KIF21A: variants seen among roughly 807,000 people sequenced by gnomAD.
The protein encoded by KIF21A is kinesin-like protein KIF21A.
KIF21A carries 114 observed loss-of-function variants against 202.9 expected under a neutral mutation model. That is an observed-to-expected ratio of 0.56 (90% CI 0.48 to 0.66). KIF21A has a LOEUF of 0.66. KIF21A is among the 30% of genes least tolerant of loss of function. KIF21A has a pLI of 0.00. For missense variants in KIF21A, 1,677 were observed against 1,994.9 expected, an observed-to-expected ratio of 0.84 and a Z score of 3.04; for synonymous variants, 667 against 670.8, an observed-to-expected ratio of 0.99 and a Z score of 0.09.
intron 1 of KIF21A, among the ~76,000 whole-genome samples, chr12:39,397,807 G>C (rs1413325591): frequency 6.6e-6 from 1 of 152,186 alleles, no homozygotes; most frequent in African/African-American, 2.4e-5. Context: ...CATGGCCATA[G>C]CAACTCAAGT....
intron 1 of KIF21A, among the ~76,000 whole-genome samples, chr12:39,380,823 GGAT>G (rs1950564097): frequency 1.3e-5 from 2 of 152,066 alleles, no homozygotes; most frequent in African/African-American, 4.8e-5. Flanking sequence ...AGTAATAACT[GGAT>G]GATATTTCAA....
intron 1 of KIF21A, among the ~76,000 whole-genome samples, chr12:39,404,685 T>C (rs1439131829): frequency 6.6e-6 from 1 of 152,210 alleles, no homozygotes; most frequent in Non-Finnish European, 1.5e-5. Context: ...GGTAGCAATG[T>C]AAAAACACAT....
intron 1 of KIF21A, among the ~76,000 whole-genome samples, chr12:39,393,355 G>A (rs1288608710): frequency 6.6e-6 from 1 of 152,142 alleles, no homozygotes; most frequent in African/African-American, 2.4e-5. Flanking sequence ...AGCAGGGCAG[G>A]AGGCAAATGC....
chr12:39,379,783 A>G lies in KIF21A; in HGVS notation c.45-9522T>C, dbSNP rs1950497628. The stretch of plus-strand genomic sequence containing the variant: ...AGCAGCCACTTCTTATACCATAGCC[A>G]GTGGTACAGTAGTCTACCTTCTGTT... On this transcript the variant is annotated intron_variant, in intron 1 of 37. Transcript: ENST00000361418. Among the ~76,000 whole-genome samples the G allele has an allele frequency of 4.6e-5, 7 of 152,298 alleles. No individual in the cohort carries two copies. In the South Asian group the frequency reaches 1.5e-3, roughly 32 times the overall value.
intron 24 of KIF21A, among the ~76,000 whole-genome samples, chr12:39,327,859 C>A (rs1946107167): frequency 6.6e-6 from 1 of 152,160 alleles, no homozygotes; most frequent in Admixed American, 6.5e-5. Context: ...ATCACAATAG[C>A]TTTAAAGCCA....
chr12:39,368,050 G>T lies in KIF21A; in HGVS notation c.451-18C>A. The T allele has an allele frequency of 1.3e-6, 2 of 1,510,454 alleles. No homozygotes were observed. The highest frequency in any genetic ancestry group is 1.1e-5 in the South Asian group (1 of 88,438). The allele number at this position is 1,510,454 out of a possible 1,614,324, so 93.6% of individuals were successfully genotyped here. A position where few individuals can be genotyped will look rare whatever the true frequency, so the allele number is the denominator to read the frequency against. ...TTATAGAGCTATCAAAAAAATATTAGAAATCTAATTTTAGCAGAAATTGTC... is the reference window on the plus strand; with the variant it reads ...TTATAGAGCTATCAAAAAAATATTATAAATCTAATTTTAGCAGAAATTGTC... On this transcript the variant is annotated intron_variant, in intron 3 of 37. Transcript: ENST00000361418.
chr12:39,301,511 C>T lies in KIF21A; in HGVS notation c.4900G>A (p.Val1634Ile). ...GHDSPINAIC[V>I]NSTHIFTAAD... ...GCAGTAAAAATGTGGGTGGAATTAACACATATGGCATTGATAGGACTATCA... is the reference window on the plus strand; with the variant it reads ...GCAGTAAAAATGTGGGTGGAATTAATACATATGGCATTGATAGGACTATCA... The change falls in exon 37 of 38, where the codon GTT (valine) becomes ATT (isoleucine). Residue 1634 changes from valine (V) to isoleucine (I), a missense_variant. Coordinates refer to ENST00000361418, the MANE Select transcript of KIF21A (RefSeq NM_001173464.2). The T allele has an allele frequency of 6.2e-7, 1 of 1,613,916 alleles. No individual in the cohort carries two copies. The highest frequency in any genetic ancestry group is 2.2e-5 in the East Asian group (1 of 44,888).
intron 8 of KIF21A, among the ~76,000 whole-genome samples, 177 bp from the exon 9 acceptor site, chr12:39,357,614 T>C (rs1473430571): frequency 6.6e-6 from 1 of 151,886 alleles, no homozygotes; most frequent in African/African-American, 2.4e-5. Context: ...CATTTGTTAC[T>C]AAAGAAATTG....
intron 11 of KIF21A, among the ~76,000 whole-genome samples, chr12:39,349,762 T>G (rs1363502863): frequency 6.6e-6 from 1 of 152,082 alleles, no homozygotes; most frequent in Non-Finnish European, 1.5e-5. Context: ...AAAAAACATT[T>G]GATTATAGTG....
chr12:39,351,973 A>G lies in KIF21A; in HGVS notation c.1477T>C (p.Leu493=), dbSNP rs766408401. ...IKEIEDLRAK[L]LESEAVNENL... The stretch of plus-strand genomic sequence containing the variant: ...TCATTCACTGCTTCACTTTCTAATA[A>G]TTTTGCCCTAGCAAATAAAAATATA... The change falls in exon 11 of 38, where the codon TTA becomes CTA. Residue 493 remains leucine (L), a synonymous_variant. Transcript: ENST00000361418. The G allele has an allele frequency of 3.1e-6, 5 of 1,612,044 alleles. No individual in the cohort carries two copies. Among genetic ancestry groups the G allele is most frequent in the Non-Finnish European group, 4.2e-6 (5 of 1,178,562 alleles).
intron 1 of KIF21A, among the ~76,000 whole-genome samples, chr12:39,391,778 C>A (rs1951371183): frequency 6.6e-6 from 1 of 151,974 alleles, no homozygotes; most frequent in Non-Finnish European, 1.5e-5. Context: ...CTTGCTCTGT[C>A]ACCCAGGCTG....
At chr12:39,310,317 C>T (rs1386722089) in intron 32 of KIF21A, among the ~76,000 whole-genome samples, 2 of 151,894 alleles carry the variant, frequency 1.3e-5, no homozygotes, top group Non-Finnish European at 2.9e-5. Flanking sequence ...ATTAGAAAAA[C>T]ACAGTATTTT....
In KIF21A at chr12:39,309,913, C is replaced by A. The variant is rs1276806295; in HGVS notation, c.4097-147G>T. On this transcript the variant is annotated intron_variant, in intron 32 of 37. Transcript: ENST00000361418. ...CATACCACAAGGATCCTAACTTCAT[C>A]CTTGACCCTCTGCAACAGGCTCAAA... is the stretch of plus-strand genomic sequence containing the variant. The A allele has an allele frequency of 7.0e-6, 5 of 714,232 alleles. No homozygotes were observed. The Admixed American group carries it at 1.3e-4, about 18-fold the overall frequency. The allele number at this position is 714,232 out of a possible 1,614,324, so 44.2% of individuals were successfully genotyped here. A position where few individuals can be genotyped will look rare whatever the true frequency, so the allele number is the denominator to read the frequency against.
chr12:39,330,606 A>G, intron 23 of KIF21A, 140 bp downstream of exon 23: 1 of 792,960 alleles, frequency 1.3e-6, no homozygotes, highest in South Asian at 1.7e-5. Context: ...CATGCAAATT[A>G]AAGAAAGAAT....
intron 12 of KIF21A, among the ~76,000 whole-genome samples, chr12:39,343,936 A>G (rs1947669270): frequency 6.6e-6 from 1 of 152,170 alleles, no homozygotes; most frequent in African/African-American, 2.4e-5. Context: ...GCTCGGTTGG[A>G]GCAGAATGGT....
At chr12:39,400,417 C>A (rs1367920690) in intron 1 of KIF21A, among the ~76,000 whole-genome samples, 1 of 152,160 alleles carries the variant, frequency 6.6e-6, no homozygotes, top group Non-Finnish European at 1.5e-5. Context: ...ATTAGCTATT[C>A]TTCCTAATGC....
At chr12:39,314,553 C>T (rs967129278) in intron 31 of KIF21A, among the ~76,000 whole-genome samples, 3 of 151,682 alleles carry the variant, frequency 2.0e-5, no homozygotes, top group African/African-American at 7.3e-5. Context: ...TGTAAGAAAA[C>T]AATTCATGTT....
intron 1 of KIF21A, among the ~76,000 whole-genome samples, chr12:39,379,038 G>A (rs1301064419): frequency 1.3e-5 from 2 of 152,020 alleles, no homozygotes; most frequent in African/African-American, 4.8e-5. Context: ...TAGCATAAAA[G>A]TTGTTAGAAT....
rs755633407 is a variant in KIF21A, at chr12:39,367,067, T to C, written c.698A>G (p.His233Arg). 1.2e-6 allele frequency: 2 copies of C among 1,613,814 alleles called. No homozygotes were observed. Among genetic ancestry groups the C allele is most frequent in the Non-Finnish European group, 8.5e-7 (1 of 1,179,762 alleles). Residue 233 changes from histidine to arginine, a missense_variant, in exon 5 of 38, where the codon CAT becomes CGT. Transcript: ENST00000361418. The stretch of plus-strand genomic sequence containing the variant: ...GGGACACACTCTGGTTTGACACACA[T>C]GAATGGTAAAAATGGCATGTGAACG... ...SSRSHAIFTIHVCQTRVCPQI... is the reference protein window; with the variant it reads ...SSRSHAIFTIRVCQTRVCPQI...
Sources: allele counts gnomAD v4.1 joint callset (sites outside exome capture counted in the v4.1 genomes callset), GRCh38; gene constraint gnomAD v4.1.1; transcripts MANE v1.5; gene names NCBI Gene and HGNC (gene_info 2026-07-23, HGNC 2026-07-21).